UST: variants seen among roughly 807,000 people sequenced by gnomAD.
UST encodes uronyl 2-sulfotransferase, also known as chondroitin sulfate 2-O-sulfotransferase.
UST carries 21 observed loss-of-function variants against 45.6 expected under a neutral mutation model. That is an observed-to-expected ratio of 0.46 (90% CI 0.33 to 0.66). UST has a LOEUF of 0.66. Among genes scored for constraint, UST ranks in the 30% least tolerant of loss-of-function variants. The pLI, the probability that UST is intolerant of heterozygous loss-of-function variation, is 0.02. For missense variants in UST, 463 were observed against 512.4 expected (o/e 0.90, Z 0.93); for synonymous variants, 215 against 200.6 (o/e 1.07, Z -0.61).
At chr6:148,870,209 C>G (rs988383942) in intron 1 of UST, among the ~76,000 whole-genome samples, 2 of 151,794 alleles carry the variant, frequency 1.3e-5, no homozygotes, top group Non-Finnish European at 2.9e-5. Flanking sequence ...AGACTTGAAC[C>G]CAGTCCGAGC....
chr6:148,784,334 C>T (rs755123381), intron 1 of UST, among the ~76,000 whole-genome samples: 15 of 152,178 alleles, frequency 9.9e-5, no homozygotes, highest in Non-Finnish European at 2.1e-4. Context: ...TAGCCCCAAA[C>T]GATGACACTC....
At chr6:148,980,596 C>CA (rs1772216071) in intron 5 of UST, among the ~76,000 whole-genome samples, 1 of 152,210 alleles carries the variant, frequency 6.6e-6, no homozygotes, top group Non-Finnish European at 1.5e-5. Context: ...CCAGCCCTGA[C>CA]ATATTGCTTT....
At chr6:148,979,384 A>G (rs546920454) in intron 5 of UST, among the ~76,000 whole-genome samples, 1 of 152,216 alleles carries the variant, frequency 6.6e-6, no homozygotes, top group Admixed American at 6.5e-5. Flanking sequence ...CCTTGCTTTA[A>G]TTACGGCAGC....
intron 5 of UST, among the ~76,000 whole-genome samples, chr6:149,010,017 T>TA (rs1236208267): frequency 3.3e-5 from 5 of 151,084 alleles, no homozygotes; most frequent in African/African-American, 7.3e-5. Context: ...ATAAGTTTTT[T>TA]TAAAAAAAAA....
At chr6:149,053,124 T>C (rs1776512621) in intron 7 of UST, among the ~76,000 whole-genome samples, 1 of 152,220 alleles carries the variant, frequency 6.6e-6, no homozygotes, top group Admixed American at 6.5e-5. Context: ...TTAAAAGTCT[T>C]TTTAGGGTCC....
chr6:148,836,158 C>T (rs1345177291), intron 1 of UST, among the ~76,000 whole-genome samples: 1 of 152,168 alleles, frequency 6.6e-6, no homozygotes, highest in East Asian at 1.9e-4. Flanking sequence ...GGAGCATCTG[C>T]TTGACAGCAC....
chr6:148,948,499 T>G (rs1780293581), intron 3 of UST, among the ~76,000 whole-genome samples: 1 of 152,256 alleles, frequency 6.6e-6, no homozygotes, highest in Non-Finnish European at 1.5e-5. Flanking sequence ...AATTACTTAC[T>G]GATATGCTGT....
At chr6:148,888,011 A>G (rs1778942578) in intron 2 of UST, among the ~76,000 whole-genome samples, 1 of 152,218 alleles carries the variant, frequency 6.6e-6, no homozygotes. Flanking sequence ...TTACTCCTGT[A>G]TTAGTCCATT....
intron 1 of UST, among the ~76,000 whole-genome samples, chr6:148,803,871 C>T (rs866476149): frequency 6.6e-6 from 1 of 152,212 alleles, no homozygotes; most frequent in Non-Finnish European, 1.5e-5. Flanking sequence ...GATAGTCTGA[C>T]ATTACTTAAC....
At chr6:148,858,199 G>A (rs745838567) in intron 1 of UST, among the ~76,000 whole-genome samples, 86 of 152,270 alleles carry the variant, frequency 5.6e-4, no homozygotes, top group Non-Finnish European at 1.1e-3. Flanking sequence ...GCAAGCTGAG[G>A]AACAGGGAAG....
intron 1 of UST, among the ~76,000 whole-genome samples, chr6:148,763,701 T>A (rs1776265047): frequency 6.6e-6 from 1 of 152,204 alleles, no homozygotes; most frequent in Non-Finnish European, 1.5e-5. Context: ...TCCAGTTTCA[T>A]TCTTCTGCAT....
At chr6:149,005,591 G>T in intron 5 of UST, 2 of 985,412 alleles carry the variant, frequency 2.0e-6, no homozygotes, top group Non-Finnish European at 1.2e-6. Context: ...CTCAGTAAAG[G>T]TTAGTCCCTT....
At chr6:148,862,830 C>G (rs1778345821) in intron 1 of UST, among the ~76,000 whole-genome samples, 1 of 152,214 alleles carries the variant, frequency 6.6e-6, no homozygotes, top group Non-Finnish European at 1.5e-5. Context: ...TTGGCCCCCA[C>G]TCTCTTCTGG....
chr6:149,010,913 A>AAAAAC (rs1554234082), intron 5 of UST, among the ~76,000 whole-genome samples: 13 of 92,968 alleles, frequency 1.4e-4, no homozygotes, highest in Non-Finnish European at 2.0e-4. Flanking sequence ...AAAAAAAAAA[A>AAAAAC]AAAAAACTGT....
intron 7 of UST, among the ~76,000 whole-genome samples, chr6:149,060,596 G>C (rs972298248): frequency 2.6e-5 from 4 of 152,192 alleles, no homozygotes; most frequent in African/African-American, 9.7e-5. Context: ...GCGTGGTGCA[G>C]GGCTGTATGG....
intron 1 of UST, among the ~76,000 whole-genome samples, chr6:148,880,960 C>T (rs1036371470): frequency 2.7e-5 from 4 of 147,968 alleles, no homozygotes; most frequent in African/African-American, 5.0e-5. Context: ...ACCCAGGAGG[C>T]GGAGCTTGCA....
intron 6 of UST, among the ~76,000 whole-genome samples, chr6:149,019,921 G>A (rs1562331293): frequency 6.6e-6 from 1 of 152,140 alleles, no homozygotes; most frequent in Non-Finnish European, 1.5e-5. Context: ...GATGCTTCTG[G>A]CGTAGCTATA....
chr6:148,831,616 T>C (rs1777688502), intron 1 of UST, among the ~76,000 whole-genome samples: 6 of 152,122 alleles, frequency 3.9e-5, no homozygotes, highest in Admixed American at 3.3e-4. Flanking sequence ...TGAGAACAAT[T>C]GTTATCCCCT....
At chr6:149,037,363 T>G (rs1221747421) in intron 7 of UST, among the ~76,000 whole-genome samples, 2 of 152,212 alleles carry the variant, frequency 1.3e-5, no homozygotes, top group Non-Finnish European at 2.9e-5. Flanking sequence ...GTGTCAGGGT[T>G]GCTGGGATCG....
Sources: allele counts gnomAD v4.1 joint callset (sites outside exome capture counted in the v4.1 genomes callset), GRCh38; gene constraint gnomAD v4.1.1; transcripts MANE v1.5; gene names NCBI Gene and HGNC (gene_info 2026-07-23, HGNC 2026-07-21).